ERBB4: variants seen among roughly 807,000 people sequenced by gnomAD.
ERBB4 encodes receptor tyrosine-protein kinase erbB-4.
Under a neutral mutation model 158.0 loss-of-function variants are expected in ERBB4, and 42 were observed. That is an observed-to-expected ratio of 0.27 (90% confidence interval 0.21 to 0.34). The LOEUF is 0.34. Among genes scored for constraint, ERBB4 ranks in the 10% least tolerant of loss-of-function variants. The pLI is 1.00. For missense variants in ERBB4, 1,333 were observed against 1,624.1 expected (o/e 0.82, Z 3.08); for synonymous variants, 583 against 558.7 (o/e 1.04, Z -0.61).
At chr2:211,660,917 G>A (rs1387364020) in intron 15 of ERBB4, among the ~76,000 whole-genome samples, 1 of 152,190 alleles carries the variant, frequency 6.6e-6, no homozygotes, top group Non-Finnish European at 1.5e-5. Context: ...GTGATCATCA[G>A]TGTGAAAGGC....
At chr2:211,692,266 G>A (rs2072851422) in intron 12 of ERBB4, among the ~76,000 whole-genome samples, 1 of 152,170 alleles carries the variant, frequency 6.6e-6, no homozygotes, top group South Asian at 2.1e-4. Context: ...TAGTGATGTT[G>A]TTCGAACCCC....
chr2:212,179,982 G>A (rs2081805157), intron 1 of ERBB4, among the ~76,000 whole-genome samples: 1 of 151,498 alleles, frequency 6.6e-6, no homozygotes, highest in Non-Finnish European at 1.5e-5. Flanking sequence ...CTAGAAAACT[G>A]GCCTATTGGG....
intron 1 of ERBB4, among the ~76,000 whole-genome samples, chr2:212,219,690 C>A (rs971240704): frequency 6.6e-6 from 1 of 151,284 alleles, no homozygotes; most frequent in Non-Finnish European, 1.5e-5. Context: ...ACATCACACA[C>A]ACACCCCATA....
At chr2:211,425,094 A>AT (rs1448909287) in intron 22 of ERBB4, among the ~76,000 whole-genome samples, 2 of 152,150 alleles carry the variant, frequency 1.3e-5, no homozygotes, top group African/African-American at 4.8e-5. Flanking sequence ...TCTTTTTTGT[A>AT]ATGTAATGAT....
intron 3 of ERBB4, among the ~76,000 whole-genome samples, chr2:211,795,009 T>C (rs1373059086): frequency 6.6e-6 from 1 of 151,924 alleles, no homozygotes; most frequent in Non-Finnish European, 1.5e-5. Flanking sequence ...GTGTCTCTTT[T>C]TATATCCACA....
At chr2:212,194,481 T>C (rs1482882210) in intron 1 of ERBB4, among the ~76,000 whole-genome samples, 1 of 152,052 alleles carries the variant, frequency 6.6e-6, no homozygotes, top group Non-Finnish European at 1.5e-5. Flanking sequence ...TGTTACCTGT[T>C]ACTATTTCCC....
rs2076110807 is a variant in ERBB4, at chr2:211,784,510, A to G, written c.556+3515T>C. On this transcript the variant is annotated intron_variant, in intron 4 of 27. Transcript: ENST00000342788. ...TTGTTTATTCAATCATCCATATATG[A>G]CATTTGGGTTGCTTCCACCTCTCAG... Among the ~76,000 whole-genome samples the G allele has an allele frequency of 2.6e-5, 4 of 152,146 alleles. No individual in the cohort carries two copies. In the South Asian group the frequency reaches 8.3e-4, roughly 32 times the overall value.
intron 23 of ERBB4, 105 bp from the exon 24 acceptor site, chr2:211,422,209 A>C (rs3791709): frequency 2.7e-6 from 2 of 737,802 alleles, no homozygotes; most frequent in South Asian, 2.9e-5. Context: ...TGTTGTTTTA[A>C]TCGTAATGAT....
At chr2:211,963,474 C>T (rs2081236301) in intron 2 of ERBB4, among the ~76,000 whole-genome samples, 2 of 152,002 alleles carry the variant, frequency 1.3e-5, no homozygotes, top group African/African-American at 4.8e-5. Flanking sequence ...AATATGTATA[C>T]ATTATGAGGA....
chr2:212,171,761 G>A (rs1331572640), intron 1 of ERBB4, among the ~76,000 whole-genome samples: 1 of 152,076 alleles, frequency 6.6e-6, no homozygotes, highest in Non-Finnish European at 1.5e-5. Flanking sequence ...CACCATGATT[G>A]TAAGTTTCCT....
intron 25 of ERBB4, among the ~76,000 whole-genome samples, chr2:211,393,740 CGTGTGTGTGT>C (rs58472959): frequency 0.05 from 7,358 of 146,266 alleles, 318 homozygotes; most frequent in African/African-American, 0.095. Flanking sequence ...GAGTTAATAG[CGTGTGTGTGT>C]GTGTGTGTGT....
chr2:211,666,466 T>A (rs918428238), intron 14 of ERBB4, among the ~76,000 whole-genome samples: 3 of 152,164 alleles, frequency 2.0e-5, no homozygotes, highest in African/African-American at 4.8e-5. Context: ...CTAAAAGTCA[T>A]GACAATATTA....
chr2:211,452,547 T>G (rs527927723), intron 20 of ERBB4, among the ~76,000 whole-genome samples: 1 of 152,328 alleles, frequency 6.6e-6, no homozygotes, highest in East Asian at 1.9e-4. Flanking sequence ...ACTCTTTCAG[T>G]TATTACCCCA....
intron 1 of ERBB4, chr2:212,429,084 T>A (rs1194422295): frequency 6.6e-6 from 1 of 152,272 alleles, no homozygotes; most frequent in Non-Finnish European, 1.5e-5. Context: ...GCAGTTTATT[T>A]GAGCTGGCAT....
chr2:212,014,760 C>A (rs1168444844), intron 2 of ERBB4, among the ~76,000 whole-genome samples: 2 of 152,020 alleles, frequency 1.3e-5, no homozygotes, highest in East Asian at 1.9e-4. Flanking sequence ...AAATAACTGA[C>A]CCTAATTCTT....
At chr2:212,048,383 T>C (rs2077311534) in intron 2 of ERBB4, among the ~76,000 whole-genome samples, 1 of 152,070 alleles carries the variant, frequency 6.6e-6, no homozygotes. Context: ...CAGCTGGAAA[T>C]GGAGGAAGCT....
chr2:212,442,125 G>A (rs989524105), intron 1 of ERBB4, among the ~76,000 whole-genome samples: 6 of 152,198 alleles, frequency 3.9e-5, no homozygotes, highest in African/African-American at 9.6e-5. Flanking sequence ...AGTCTGACTC[G>A]TGTAGAGCTC....
intron 2 of ERBB4, among the ~76,000 whole-genome samples, chr2:211,953,879 T>C (rs888020059): frequency 1.3e-4 from 20 of 151,232 alleles, no homozygotes; most frequent in South Asian, 4.2e-4. Context: ...TTTTTAAAAA[T>C]GACAACAAAT....
At chr2:212,322,212 G>A (rs2087598436) in intron 1 of ERBB4, among the ~76,000 whole-genome samples, 1 of 150,414 alleles carries the variant, frequency 6.6e-6, no homozygotes, top group South Asian at 2.1e-4. Context: ...CTTAGGAGAA[G>A]ACAGAATTGG....
Sources: allele counts gnomAD v4.1 joint callset (sites outside exome capture counted in the v4.1 genomes callset), GRCh38; gene constraint gnomAD v4.1.1; transcripts MANE v1.5; gene names NCBI Gene and HGNC (gene_info 2026-07-23, HGNC 2026-07-21).